The following GSK3B variants were observed in gnomAD, a reference collection of about 807,000 sequenced individuals.
GSK3B encodes the protein glycogen synthase kinase 3 beta.
In GSK3B, 15 loss-of-function variants were observed where a neutral mutation model predicts 56.4. That is an observed-to-expected ratio of 0.27 (90% confidence interval 0.18 to 0.41). The LOEUF (loss-of-function observed/expected upper bound fraction) is 0.41. Among genes scored for constraint, GSK3B ranks in the 10% least tolerant of loss-of-function variants. GSK3B has a pLI of 1.00. For synonymous variants in GSK3B, 181 were observed against 188.9 expected (o/e 0.96, Z 0.34); for missense variants, 300 against 513.4 (o/e 0.58, Z 4.02).
chr3:119,833,078 TA>T (rs2055629487), intron 10 of GSK3B: 2 of 599,122 alleles, frequency 3.3e-6, no homozygotes, highest in African/African-American at 4.0e-5. Flanking sequence ...GTTCAAGTCA[TA>T]AACGCAGAAT....
chr3:119,931,197 C>A (rs1329594508), intron 3 of GSK3B, among the ~76,000 whole-genome samples: 1 of 152,142 alleles, frequency 6.6e-6, no homozygotes, highest in African/African-American at 2.4e-5. Flanking sequence ...TTGAGAAGAC[C>A]AGGATTCAGC....
At chr3:120,070,801 CA>C (rs1464041317) in intron 1 of GSK3B, among the ~76,000 whole-genome samples, 1 of 152,190 alleles carries the variant, frequency 6.6e-6, no homozygotes, top group Non-Finnish European at 1.5e-5. Context: ...GTCTAATAGA[CA>C]GCAGTTCATT....
At chr3:119,990,437 C>T (rs2057553895) in intron 2 of GSK3B, among the ~76,000 whole-genome samples, 1 of 152,194 alleles carries the variant, frequency 6.6e-6, no homozygotes, top group South Asian at 2.1e-4. Flanking sequence ...TCTTTAACTG[C>T]CAGCCACATT....
intron 2 of GSK3B, among the ~76,000 whole-genome samples, chr3:119,978,554 G>A (rs2057430591): frequency 6.6e-6 from 1 of 152,268 alleles, no homozygotes; most frequent in African/African-American, 2.4e-5. Context: ...AGGCTCTCTT[G>A]CAACCCAGGA....
intron 4 of GSK3B, among the ~76,000 whole-genome samples, chr3:119,919,533 A>G (rs201533351): frequency 2.1e-4 from 28 of 135,182 alleles, no homozygotes; most frequent in African/African-American, 8.4e-4. Flanking sequence ...AAAAAAAAAG[A>G]AAAAAAAAAA....
chr3:119,883,572 C>T (rs892894538), intron 7 of GSK3B, among the ~76,000 whole-genome samples: 1 of 152,126 alleles, frequency 6.6e-6, no homozygotes, highest in African/African-American at 2.4e-5. Context: ...CTCAACTCTG[C>T]AACATGAAAA....
At chr3:119,992,814 G>C (rs1463346597) in intron 2 of GSK3B, among the ~76,000 whole-genome samples, 1 of 151,954 alleles carries the variant, frequency 6.6e-6, no homozygotes, top group Non-Finnish European at 1.5e-5. Context: ...AATGGACCTT[G>C]AATACATGAA....
chr3:119,907,614 G>A (rs1317613448), intron 6 of GSK3B, among the ~76,000 whole-genome samples: 2 of 152,252 alleles, frequency 1.3e-5, no homozygotes, highest in East Asian at 1.9e-4. Flanking sequence ...TAGAAATAGT[G>A]CTTTGGCACA....
chr3:119,851,694 G>C (rs190413839), intron 9 of GSK3B, among the ~76,000 whole-genome samples: 1 of 152,118 alleles, frequency 6.6e-6, no homozygotes, highest in Admixed American at 6.6e-5. Context: ...TCTCCAAAAA[G>C]GAGTTACTAA....
intron 2 of GSK3B, among the ~76,000 whole-genome samples, chr3:119,955,528 TA>T (rs1362835926): frequency 4.6e-5 from 7 of 152,162 alleles, no homozygotes; most frequent in African/African-American, 1.7e-4. Context: ...GGACAGGAGC[TA>T]AGAAAAATTT....
At chr3:119,938,771 C>T (rs1238409938) in intron 3 of GSK3B, among the ~76,000 whole-genome samples, 3 of 151,746 alleles carry the variant, frequency 2.0e-5, no homozygotes, top group Admixed American at 1.3e-4. Flanking sequence ...TATTGTAATA[C>T]CTATAATAAA....
At chr3:120,067,970 C>A (rs975209125) in intron 1 of GSK3B, among the ~76,000 whole-genome samples, 4 of 152,168 alleles carry the variant, frequency 2.6e-5, no homozygotes, top group Non-Finnish European at 5.9e-5. Context: ...TCTGATGTTA[C>A]AGAATTCTTT....
At chr3:119,849,482 G>A (rs966246044) in intron 9 of GSK3B, among the ~76,000 whole-genome samples, 1 of 152,198 alleles carries the variant, frequency 6.6e-6, no homozygotes, top group African/African-American at 2.4e-5. Context: ...TGACAAAGCT[G>A]TTAAAAATAA....
Position 119,828,768 on chromosome 3 carries a change from C to A in GSK3B, c.1196-1913G>T, listed in dbSNP as rs1036631292. ...ACTTCCTAATTTCCCGATAAGCTGCCCTTATATACATTTAGCACAGCCTTT... is the reference window on the plus strand; with the variant it reads ...ACTTCCTAATTTCCCGATAAGCTGCACTTATATACATTTAGCACAGCCTTT... On this transcript the variant is annotated intron_variant, in intron 10 of 10. Coordinates refer to ENST00000264235, the MANE Select transcript of GSK3B (RefSeq NM_001146156.2). Among the ~76,000 whole-genome samples the A allele has an allele frequency of 2.0e-5, 3 of 152,230 alleles. No homozygotes were observed. The South Asian group carries it at 6.2e-4, about 32-fold the overall frequency.
At chr3:119,828,899 G>A (rs1394623435) in intron 10 of GSK3B, among the ~76,000 whole-genome samples, 1 of 152,174 alleles carries the variant, frequency 6.6e-6, no homozygotes, top group East Asian at 1.9e-4. Flanking sequence ...ATGTACACAA[G>A]TGAAGATATT....
chr3:119,868,614 C>T (rs1048589345), intron 8 of GSK3B, among the ~76,000 whole-genome samples: 5 of 152,154 alleles, frequency 3.3e-5, no homozygotes, highest in African/African-American at 1.2e-4. Flanking sequence ...ATTATGTAGC[C>T]AATCAGAGCA....
intron 1 of GSK3B, among the ~76,000 whole-genome samples, chr3:120,051,222 A>C (rs1304030585): frequency 6.6e-6 from 1 of 152,114 alleles, no homozygotes; most frequent in Non-Finnish European, 1.5e-5. Context: ...GTTTACAAAA[A>C]AACAGATATT....
At chr3:120,066,482 G>A (rs1307445731) in intron 1 of GSK3B, among the ~76,000 whole-genome samples, 2 of 152,156 alleles carry the variant, frequency 1.3e-5, no homozygotes, top group Admixed American at 6.5e-5. Context: ...AAAACTGGGG[G>A]TTCATATAAA....
intron 6 of GSK3B, 117 bp from the exon 7 acceptor site, chr3:119,905,969 T>C: frequency 2.9e-6 from 2 of 683,812 alleles, no homozygotes; most frequent in South Asian, 3.6e-5. Flanking sequence ...GAAAAGATTA[T>C]ACAATCCAAA....
Sources: allele counts gnomAD v4.1 joint callset (sites outside exome capture counted in the v4.1 genomes callset), GRCh38; gene constraint gnomAD v4.1.1; transcripts MANE v1.5; gene names NCBI Gene and HGNC (gene_info 2026-07-23, HGNC 2026-07-21).